PCDH15: variants seen among roughly 807,000 people sequenced by gnomAD.
PCDH15 encodes protocadherin-15.
A neutral mutation model predicts 178.5 loss-of-function variants in PCDH15; 129 were observed. That is an observed-to-expected ratio of 0.72 (90% CI 0.63 to 0.84). PCDH15 has a LOEUF of 0.84. Among genes scored for constraint, PCDH15 ranks in the 40% least tolerant of loss-of-function variants. The pLI, the probability that PCDH15 is intolerant of heterozygous loss-of-function variation, is 0.00. For synonymous variants in PCDH15, 800 were observed against 732.0 expected, an observed-to-expected ratio of 1.09 and a Z score of -1.50; for missense variants, 2,230 against 2,099.9, an observed-to-expected ratio of 1.06 and a Z score of -1.21.
At chr10:53,832,019 C>CT (rs1364726785) in intron 29 of PCDH15, among the ~76,000 whole-genome samples, 4 of 152,076 alleles carry the variant, frequency 2.6e-5, no homozygotes, top group Non-Finnish European at 5.9e-5. Context: ...AGGCACCAAA[C>CT]TAAGATTTCA....
At chr10:55,069,798 T>G (rs1341302453) in intron 2 of PCDH15, among the ~76,000 whole-genome samples, 4 of 149,564 alleles carry the variant, frequency 2.7e-5, no homozygotes, top group Admixed American at 6.7e-5. Flanking sequence ...TACCCAGTAA[T>G]GGGATGGCTG....
intron 7 of PCDH15, among the ~76,000 whole-genome samples, chr10:54,326,990 T>C (rs578245111): frequency 7.8e-4 from 118 of 152,234 alleles, no homozygotes; most frequent in African/African-American, 2.7e-3. Flanking sequence ...TTCCTTCCTT[T>C]TGATGATTCA....
At chr10:54,362,760 G>A (rs1946240728) in intron 5 of PCDH15, among the ~76,000 whole-genome samples, 1 of 151,444 alleles carries the variant, frequency 6.6e-6, no homozygotes, top group African/African-American at 2.4e-5. Context: ...ATGAAAAGTA[G>A]GGTAAAAAAA....
intron 19 of PCDH15, among the ~76,000 whole-genome samples, chr10:54,021,923 A>G (rs939182573): frequency 1.3e-5 from 2 of 152,044 alleles, no homozygotes; most frequent in Admixed American, 1.3e-4. Flanking sequence ...TGTTAAATAA[A>G]TAACTTAACT....
At position 54,757,282 on chromosome 10, in the gene PCDH15, T is replaced by TGGC. The variant is rs1406920824; in HGVS notation, c.-29+43642_-29+43643insGCC. Among the ~76,000 whole-genome samples, 21 of 29,272 alleles carry TGGC rather than the reference T, an allele frequency of 7.2e-4. 3 individuals carry two copies. Among genetic ancestry groups the TGGC allele is most frequent in the Non-Finnish European group, 1.2e-3 (15 of 12,704 alleles). The allele number at this position is 29,272 out of a possible 152,430, so 19.2% of individuals were successfully genotyped here. A position where few individuals can be genotyped will look rare whatever the true frequency, so the allele number is the denominator to read the frequency against. On this transcript the variant is annotated intron_variant, in intron 1 of 37. Transcript: ENST00000644397. ...GGCTTGCTCAGAATTCTACCTTTTT[T>TGGC]TTTTTTTTTTTTTTTTTTGAGACGG...
At chr10:55,209,154 A>C (rs1468648932) in intron 1 of PCDH15, among the ~76,000 whole-genome samples, 3 of 152,130 alleles carry the variant, frequency 2.0e-5, no homozygotes, top group Non-Finnish European at 2.9e-5. Flanking sequence ...ACACAGGCAA[A>C]GAAAGACCTT....
intron 1 of PCDH15, among the ~76,000 whole-genome samples, chr10:55,259,540 G>T (rs1842094657): frequency 6.6e-6 from 1 of 152,152 alleles, no homozygotes; most frequent in Admixed American, 6.6e-5. Context: ...ACTGGTGAAA[G>T]ACTCTTTGGA....
intron 3 of PCDH15, among the ~76,000 whole-genome samples, chr10:54,841,738 A>T (rs1050967002): frequency 6.6e-6 from 1 of 151,822 alleles, no homozygotes; most frequent in African/African-American, 2.4e-5. Context: ...TTCAATTTGC[A>T]TTCAGTTTGT....
intron 1 of PCDH15, among the ~76,000 whole-genome samples, chr10:55,270,656 C>G (rs116061739): frequency 6.6e-6 from 1 of 151,898 alleles, no homozygotes; most frequent in Non-Finnish European, 1.5e-5. Flanking sequence ...ATGCTGATGA[C>G]ACTGCAGAGA....
intron 1 of PCDH15, among the ~76,000 whole-genome samples, chr10:55,187,233 A>G (rs1327583109): frequency 6.6e-6 from 1 of 152,022 alleles, no homozygotes; most frequent in African/African-American, 2.4e-5. Flanking sequence ...TCCAAGTCCC[A>G]AACAAATACT....
At chr10:54,399,939 T>C (rs1372796379) in intron 3 of PCDH15, among the ~76,000 whole-genome samples, 2 of 152,098 alleles carry the variant, frequency 1.3e-5, no homozygotes, top group Non-Finnish European at 2.9e-5. Context: ...CACCCTTTCT[T>C]TTCTTTTTAC....
At chr10:54,257,059 A>AGAT (rs1327384132) in intron 8 of PCDH15, among the ~76,000 whole-genome samples, 1 of 139,116 alleles carries the variant, frequency 7.2e-6, no homozygotes, top group Admixed American at 6.8e-5. Context: ...TTAGATAGAT[A>AGAT]GATAGATAGA....
chr10:54,240,243 T>C (rs2055095299), intron 8 of PCDH15, among the ~76,000 whole-genome samples: 1 of 150,308 alleles, frequency 6.7e-6, no homozygotes, highest in Non-Finnish European at 1.5e-5. Context: ...ATAATAATAA[T>C]AATATGTACG....
At chr10:54,042,906 A>G (rs1411766532) in intron 18 of PCDH15, among the ~76,000 whole-genome samples, 1 of 152,144 alleles carries the variant, frequency 6.6e-6, no homozygotes, top group Non-Finnish European at 1.5e-5. Flanking sequence ...ATAGGTGAGG[A>G]GTACTTGCCT....
chr10:54,931,316 G>GTT (rs1325869795), intron 2 of PCDH15, among the ~76,000 whole-genome samples: 5 of 151,894 alleles, frequency 3.3e-5, no homozygotes, highest in Admixed American at 2.0e-4. Flanking sequence ...TTTCAGTAAC[G>GTT]TTTGAAACAT....
intron 1 of PCDH15, among the ~76,000 whole-genome samples, chr10:55,172,379 A>T (rs964715431): frequency 9.9e-5 from 15 of 151,784 alleles, no homozygotes; most frequent in Non-Finnish European, 1.9e-4. Context: ...TGATTTTTGA[A>T]TTTTTTTTCT....
chr10:53,923,008 A>T (rs2133894242), intron 25 of PCDH15, among the ~76,000 whole-genome samples: 1 of 152,266 alleles, frequency 6.6e-6, no homozygotes, highest in Admixed American at 6.5e-5. Flanking sequence ...AATGGTGTGA[A>T]CGTGGGAGGT....
intron 1 of PCDH15, among the ~76,000 whole-genome samples, chr10:54,717,869 C>T (rs1486633456): frequency 7.0e-6 from 1 of 143,260 alleles, no homozygotes; most frequent in Non-Finnish European, 1.5e-5. Context: ...CCCAAATGTC[C>T]AACAATGATA....
At chr10:54,720,996 C>A (rs1019066662) in intron 1 of PCDH15, among the ~76,000 whole-genome samples, 3 of 151,968 alleles carry the variant, frequency 2.0e-5, no homozygotes, top group Non-Finnish European at 4.4e-5. Context: ...AGCCATCCAG[C>A]AAGTCTCCAT....
Sources: gnomAD v4.1 joint callset for allele counts (sites outside exome capture counted in the v4.1 genomes callset) on GRCh38, gnomAD v4.1.1 for gene constraint, MANE v1.5 for transcripts, NCBI Gene and HGNC (gene_info 2026-07-23, HGNC 2026-07-21) for gene names.